SMCO2: variants seen among roughly 807,000 people sequenced by gnomAD.
The protein encoded by SMCO2 is single-pass membrane and coiled-coil domain-containing protein 2.
In SMCO2, 25 loss-of-function variants were observed where a neutral mutation model predicts 29.5. That is an observed-to-expected ratio of 0.85 (90% CI 0.62 to 1.18). The LOEUF (loss-of-function observed/expected upper bound fraction) is 1.18, where lower values mean the gene tolerates loss of function less well. Among genes scored for constraint, SMCO2 ranks in the 50% most tolerant of loss-of-function variants. The probability of loss-of-function intolerance (pLI) is 0.00; values close to 1 mark genes in which losing one functional copy is unlikely to be tolerated. For missense variants in SMCO2, 348 were observed against 344.5 expected, an observed-to-expected ratio of 1.01 and a Z score of -0.08; for synonymous variants, 117 against 123.3, an observed-to-expected ratio of 0.95 and a Z score of 0.34.
At chr12:27,481,679 A>G (rs1949644660) in intron 4 of SMCO2, among the ~76,000 whole-genome samples, 1 of 152,176 alleles carries the variant, frequency 6.6e-6, no homozygotes, top group Non-Finnish European at 1.5e-5. Context: ...AATTTCTTTA[A>G]TAGATGTAAT....
the SMCO2 span, among the ~76,000 whole-genome samples, chr12:27,447,398 C>T: frequency 0.85 from 129,419 of 152,114 alleles, 55,586 homozygotes; most frequent in African/African-American, 0.96. Flanking sequence ...TCTTGCTCTT[C>T]AGAGCCTTAC....
chr12:27,479,231 T>G (rs1949618667), intron 4 of SMCO2, among the ~76,000 whole-genome samples: 1 of 152,098 alleles, frequency 6.6e-6, no homozygotes, highest in African/African-American at 2.4e-5. Flanking sequence ...TTGGCTGATA[T>G]CTGGGCCCCT....
At chr12:27,443,004 T>G in the SMCO2 span, among the ~76,000 whole-genome samples, 1 of 152,312 alleles carries the variant, frequency 6.6e-6, no homozygotes, top group East Asian at 1.9e-4. Flanking sequence ...TTCTTCCAAA[T>G]TCATTCCATG....
upstream of SMCO2, among the ~76,000 whole-genome samples, chr12:27,466,440 G>T (rs772263229): frequency 6.6e-6 from 1 of 152,082 alleles, no homozygotes; most frequent in Non-Finnish European, 1.5e-5. Context: ...AAAAAAGGAA[G>T]ATCAAATGCT....
At chr12:27,489,417 G>A (rs536826914) in intron 5 of SMCO2, among the ~76,000 whole-genome samples, 1 of 152,244 alleles carries the variant, frequency 6.6e-6, no homozygotes, top group South Asian at 2.1e-4. Flanking sequence ...TGTGACACAA[G>A]TTAGATTTCG....
chr12:27,452,078 G>A, the SMCO2 span, among the ~76,000 whole-genome samples: 3 of 152,174 alleles, frequency 2.0e-5, no homozygotes, highest in Non-Finnish European at 4.4e-5. Flanking sequence ...AATTTTGTAA[G>A]GACCTTTTCT....
chr12:27,453,262 G>C, the SMCO2 span, among the ~76,000 whole-genome samples: 13 of 152,218 alleles, frequency 8.5e-5, no homozygotes, highest in South Asian at 1.9e-3. Context: ...TGTGGCTTGG[G>C]TACACTCCCT....
intron 4 of SMCO2, among the ~76,000 whole-genome samples, chr12:27,483,901 A>G (rs116722861): frequency 0.019 from 2,926 of 152,286 alleles, 100 homozygotes; most frequent in African/African-American, 0.067. Context: ...ATATAAGCCC[A>G]TGATACGTCA....
At chr12:27,466,094 G>T (rs1407856894), upstream of SMCO2, among the ~76,000 whole-genome samples, 4 of 152,156 alleles carry the variant, frequency 2.6e-5, no homozygotes, top group Non-Finnish European at 5.9e-5. Flanking sequence ...GGTCACAGAG[G>T]TATAAAGTAA....
chr12:27,436,629 T>A, the SMCO2 span, among the ~76,000 whole-genome samples: 2,782 of 152,272 alleles, frequency 0.018, 40 homozygotes, highest in Non-Finnish European at 0.03. Flanking sequence ...AGGTTGACTC[T>A]GTATGAATTT....
At position 27,474,291 on chromosome 12, in the gene SMCO2, A is replaced by C. The variant is rs117640834; in HGVS notation, c.235-495A>C. Among the ~76,000 whole-genome samples, 126 of 152,336 alleles carry C rather than the reference A, an allele frequency of 8.3e-4. 1 individual carries two copies. The East Asian group carries it at 0.022, about 27-fold the overall frequency. On this transcript the variant is annotated intron_variant, in intron 3 of 7. Transcript: ENST00000298876. Reference sequence around the variant, plus strand: ...CTGGGAAAATTAGCATTAATATAATAATCTCAATTCTCTCAATATTCTAAT... The same window carrying C: ...CTGGGAAAATTAGCATTAATATAATCATCTCAATTCTCTCAATATTCTAAT...
intron 7 of SMCO2, among the ~76,000 whole-genome samples, chr12:27,496,316 AC>A (rs1943002355): frequency 1.3e-5 from 2 of 150,464 alleles, no homozygotes; most frequent in Non-Finnish European, 2.9e-5. Context: ...GCTTCTCTAT[AC>A]ATTTCTATAG....
intron 3 of SMCO2, among the ~76,000 whole-genome samples, chr12:27,473,487 C>T (rs2135547980): frequency 1.3e-5 from 2 of 152,318 alleles, no homozygotes; most frequent in Middle Eastern, 6.8e-3. Flanking sequence ...TTAGTTTCAT[C>T]TGCAAAGACT....
At chr12:27,458,829 G>A in the SMCO2 span, among the ~76,000 whole-genome samples, 1 of 149,864 alleles carries the variant, frequency 6.7e-6, no homozygotes, top group South Asian at 2.1e-4. Flanking sequence ...GGAGGTTGCA[G>A]TGAGCTGAGA....
chr12:27,488,931 C>G (rs1391167413), intron 5 of SMCO2, among the ~76,000 whole-genome samples: 1 of 152,190 alleles, frequency 6.6e-6, no homozygotes, highest in African/African-American at 2.4e-5. Context: ...CTGTGTTTGT[C>G]TTGGATGCCC....
chr12:27,445,489 A>G, the SMCO2 span, among the ~76,000 whole-genome samples: 4 of 152,200 alleles, frequency 2.6e-5, no homozygotes, highest in Non-Finnish European at 4.4e-5. Flanking sequence ...AGAGTTTTGA[A>G]TTTCAATAAT....
chr12:27,471,617 T>C (rs935323417), intron 2 of SMCO2, among the ~76,000 whole-genome samples: 11 of 152,084 alleles, frequency 7.2e-5, no homozygotes, highest in Admixed American at 1.3e-4. Context: ...TATTAAAGTG[T>C]GGTAGGGAAT....
At chr12:27,490,904 C>G (rs1356200178) in intron 5 of SMCO2, among the ~76,000 whole-genome samples, 4 of 152,176 alleles carry the variant, frequency 2.6e-5, no homozygotes, top group Non-Finnish European at 5.9e-5. Context: ...AGCCACTGCA[C>G]TCCAGCCTGG....
rs1309563299 is a variant in SMCO2 at position 27,497,677 on chromosome 12, G to A, written c.683+1822G>A. 4.5e-5 allele frequency: 7 copies of A among 155,898 alleles called. No homozygotes were observed. The South Asian group carries it at 1.3e-3, about 29-fold the overall frequency. 9.7% of individuals were successfully genotyped at this position (155,898 alleles called of 1,614,324 possible). On this transcript the variant is annotated intron_variant, in intron 7 of 7. Transcript: ENST00000298876. ...CCCAGGGAAGTCGAGGTTGTGGTGA[G>A]CCTGGAGATCGTGTCACTGCACTCC...
Sources: gnomAD v4.1 joint callset for allele counts (sites outside exome capture counted in the v4.1 genomes callset) on GRCh38, gnomAD v4.1.1 for gene constraint, MANE v1.5 for transcripts, NCBI Gene and HGNC (gene_info 2026-07-23, HGNC 2026-07-21) for gene names.